CDC27: variants seen among roughly 807,000 people sequenced by gnomAD.
CDC27 encodes cell division cycle protein 27 homolog.
Under a neutral mutation model 109.7 loss-of-function variants are expected in CDC27, and 27 were observed. The observed-to-expected ratio is 0.25, with a 90% CI of 0.18 to 0.34. The LOEUF (loss-of-function observed/expected upper bound fraction) is 0.34, where lower values mean the gene tolerates loss of function less well. Ranked by LOEUF, CDC27 falls within the 10% of genes least tolerant of loss-of-function variation. The pLI, the probability that CDC27 is intolerant of heterozygous loss-of-function variation, is 1.00. For missense variants in CDC27, 579 were observed against 960.2 expected (o/e 0.60, Z 5.25); for synonymous variants, 266 against 333.9 (o/e 0.80, Z 2.22).
intron 14 of CDC27, 115 bp downstream of exon 14, chr17:47,137,037 C>G: frequency 1.9e-6 from 1 of 522,792 alleles, no homozygotes. Flanking sequence ...CAGTATGTAC[C>G]ATCCCTAAGT....
chr17:47,187,336 T>G (rs902617794), intron 1 of CDC27, among the ~76,000 whole-genome samples: 1 of 152,218 alleles, frequency 6.6e-6, no homozygotes, highest in Non-Finnish European at 1.5e-5. Context: ...AGTCTCACTC[T>G]GTCGCCCAGG....
intron 16 of CDC27, among the ~76,000 whole-genome samples, chr17:47,124,178 A>AAT (rs146307308): frequency 1.4e-5 from 2 of 144,500 alleles, no homozygotes; most frequent in South Asian, 2.2e-4. Context: ...GTACACTGAA[A>AAT]ACACACACAC....
chr17:47,126,990 C>T (rs749083538), intron 16 of CDC27, among the ~76,000 whole-genome samples: 4 of 152,126 alleles, frequency 2.6e-5, no homozygotes, highest in Non-Finnish European at 5.9e-5. Flanking sequence ...GACAGGGTTT[C>T]ACCATGTTGG....
At chr17:47,188,988 C>G in intron 1 of CDC27, 158 bp downstream of exon 1, 1 of 1,482,202 alleles carries the variant, frequency 6.7e-7, no homozygotes, top group Admixed American at 2.1e-5. Flanking sequence ...AGGCTGTGGG[C>G]AAGGCCTCCG....
chr17:47,133,014 T>C (rs1245416060), intron 14 of CDC27, among the ~76,000 whole-genome samples: 2 of 45,366 alleles, frequency 4.4e-5, no homozygotes, highest in Admixed American at 3.7e-4. Flanking sequence ...TATATATATA[T>C]ATATATATAT....
At chr17:47,151,959 T>G (rs1568410813) in intron 8 of CDC27, 41 bp from the exon 9 acceptor site, 2 of 1,551,754 alleles carry the variant, frequency 1.3e-6, no homozygotes, top group Admixed American at 3.9e-5. Flanking sequence ...AATTATGGGC[T>G]GCACTGTAAA....
At position 47,158,190 on chromosome 17, in the gene CDC27, A is replaced by T. The variant is rs2063377231; in HGVS notation, c.475+16T>A. On this transcript the variant is annotated intron_variant, in intron 5 of 18. Transcript: ENST00000066544. ...GGAGATGGGAACCCACCCACCTCTC[A>T]ACCCCACCCACCTACCTATTTCACA... The T allele has an allele frequency of 2.3e-6, 3 of 1,314,844 alleles. 1 individual carries two copies. Among genetic ancestry groups the T allele is most frequent in the South Asian group, 2.9e-5 (2 of 68,168 alleles). 81.4% of individuals were successfully genotyped at this position (1,314,844 alleles called of 1,614,324 possible). A position where few individuals can be genotyped will look rare whatever the true frequency, so the allele number is the denominator to read the frequency against.
intron 16 of CDC27, among the ~76,000 whole-genome samples, chr17:47,127,152 T>C (rs2040602): frequency 0.081 from 12,279 of 152,186 alleles, 568 homozygotes; most frequent in African/African-American, 0.11. Flanking sequence ...GCATGGTGGC[T>C]TATGCCTGTA....
At chr17:47,148,685 C>G (rs757959361) in intron 9 of CDC27, among the ~76,000 whole-genome samples, 6 of 152,126 alleles carry the variant, frequency 3.9e-5, no homozygotes, top group Non-Finnish European at 7.4e-5. Flanking sequence ...AGACATATTA[C>G]TACATATAGA....
chr17:47,119,267 A>G lies in CDC27; in HGVS notation c.*1668T>C, dbSNP rs1323500908. On this transcript the variant is annotated 3_prime_UTR_variant, in exon 19 of 19. Transcript: ENST00000066544. ...TTAAAAAAGTATTGTTTTAGACAGT[A>G]CATATACATAAATTTAGGTAGGGAA... is the stretch of plus-strand genomic sequence containing the variant. 6.6e-6 allele frequency: 1 copy of G among 152,206 alleles called. No homozygotes were observed. The highest frequency in any genetic ancestry group is 1.5e-5 in the Non-Finnish European group (1 of 68,036). The allele number at this position is 152,206 out of a possible 1,614,324, so 9.4% of individuals were successfully genotyped here. A position where few individuals can be genotyped will look rare whatever the true frequency, so the allele number is the denominator to read the frequency against.
chr17:47,175,608 G>A (rs972037280), intron 2 of CDC27, among the ~76,000 whole-genome samples: 3 of 152,162 alleles, frequency 2.0e-5, no homozygotes, highest in Non-Finnish European at 4.4e-5. Flanking sequence ...TTGAGTCCAC[G>A]AGCTGGAGAC....
At chr17:47,134,763 C>G (rs938388401) in intron 14 of CDC27, among the ~76,000 whole-genome samples, 1 of 151,020 alleles carries the variant, frequency 6.6e-6, no homozygotes, top group Non-Finnish European at 1.5e-5. Context: ...CGTGAGCCAC[C>G]GTGCCCGGCC....
rs753359220 is a variant in CDC27 at position 47,143,874 on chromosome 17, T to C, written c.1170+9A>G. On this transcript the variant is annotated intron_variant, in intron 10 of 18. Coordinates refer to ENST00000066544, the MANE Select transcript of CDC27 (RefSeq NM_001256.6). ...AAGTAAATGTGACATACAGAAATCT[T>C]TAAATTACCTTGGTTGTGGAGCTGT... 3 of 1,376,230 alleles carry C rather than the reference T, an allele frequency of 2.2e-6. No homozygotes were observed. In the African/African-American group the frequency reaches 4.4e-5, roughly 20 times the overall value. The allele number at this position is 1,376,230 out of a possible 1,614,324, so 85.3% of individuals were successfully genotyped here.
At chr17:47,175,983 T>C (rs2063991290) in intron 2 of CDC27, among the ~76,000 whole-genome samples, 1 of 152,208 alleles carries the variant, frequency 6.6e-6, no homozygotes, top group South Asian at 2.1e-4. Flanking sequence ...TTAACTTCTC[T>C]GACCCTCATT....
In CDC27 at chr17:47,122,517, G is replaced by A. The variant is rs2148787658; in HGVS notation, c.2319C>T (p.Asn773=). ...AMDLDPKGAN[N]QIKEAIDKRY... is the part of the protein sequence containing the mutation. Reference sequence around the variant, plus strand: ...GCTTATCAATTGCCTCTTTAATCTGGTTATTGGCTCCTTTAGGATCTAAAT... The same window carrying A: ...GCTTATCAATTGCCTCTTTAATCTGATTATTGGCTCCTTTAGGATCTAAAT... Residue 773 remains asparagine (N), a synonymous_variant, in exon 18 of 19, where the codon AAC becomes AAT. Coordinates refer to ENST00000066544, the MANE Select transcript of CDC27 (RefSeq NM_001256.6). The A allele has an allele frequency of 6.2e-7, 1 of 1,611,480 alleles. No homozygotes were observed. Among genetic ancestry groups the A allele is most frequent in the East Asian group, 2.2e-5 (1 of 44,792 alleles).
intron 13 of CDC27, 28 bp from the exon 14 acceptor site, chr17:47,137,388 CAG>C (rs1568384793): frequency 4.2e-6 from 6 of 1,438,132 alleles, no homozygotes; most frequent in East Asian, 4.9e-5. Context: ...AAAAACCAAA[CAG>C]AATTAAAATT....
rs185126384 is a variant in CDC27, at chr17:47,188,577, G to A, written c.27+569C>T. Among the ~76,000 whole-genome samples, 6 of 152,114 alleles carry A rather than the reference G, an allele frequency of 3.9e-5. No homozygotes were observed. The East Asian group carries it at 1.2e-3, about 29-fold the overall frequency. On this transcript the variant is annotated intron_variant, in intron 1 of 18. Transcript: ENST00000066544. ...TTGCGCCTCAGCACTGAGGCTTGGA[G>A]TTGTCTTCTCAAACCATCATTGTCC... is the stretch of plus-strand genomic sequence containing the variant.
At chr17:47,135,781 A>T (rs1011346253) in intron 14 of CDC27, among the ~76,000 whole-genome samples, 6 of 118,940 alleles carry the variant, frequency 5.0e-5, no homozygotes, top group East Asian at 5.9e-4. Flanking sequence ...ATACACATTT[A>T]AAAAAAAAAC....
At chr17:47,169,749 T>C (rs1157332003) in intron 4 of CDC27, 168 bp downstream of exon 4, 4 of 427,594 alleles carry the variant, frequency 9.4e-6, no homozygotes, top group Non-Finnish European at 1.6e-5. Context: ...AAGTGGAGAG[T>C]TCAAACTTAG....
Sources: gnomAD v4.1 joint callset for allele counts (sites outside exome capture counted in the v4.1 genomes callset) on GRCh38, gnomAD v4.1.1 for gene constraint, MANE v1.5 for transcripts, NCBI Gene and HGNC (gene_info 2026-07-23, HGNC 2026-07-21) for gene names.